CD55: variants seen among roughly 807,000 people sequenced by gnomAD.
CD55 encodes the protein complement decay-accelerating factor.
A neutral mutation model predicts 45.8 loss-of-function variants in CD55; 41 were observed. The observed-to-expected ratio is 0.90, with a 90% CI of 0.70 to 1.16. CD55 has a LOEUF of 1.16. Among genes scored for constraint, CD55 ranks in the 50% most tolerant of loss-of-function variants. The pLI is 0.00. For synonymous variants in CD55, 181 were observed against 181.1 expected (o/e 1.00, Z 0.01); for missense variants, 416 against 469.8 (o/e 0.89, Z 1.06).
At chr1:207,326,928 T>C (rs1451935283) in intron 5 of CD55, 91 bp downstream of exon 5, 1 of 900,068 alleles carries the variant, frequency 1.1e-6, no homozygotes, top group Non-Finnish European at 1.8e-6. Flanking sequence ...TAGCACAGTG[T>C]GTATTTGTAG....
chr1:207,326,601 C>A lies in CD55; in HGVS notation c.579-151C>A, dbSNP rs140769226. 4.4e-3 allele frequency: 2,621 copies of A among 594,088 alleles called. 14 individuals are homozygous for A. The highest frequency in any genetic ancestry group is 0.016 in the Middle Eastern group (51 of 3,150). 36.8% of individuals were successfully genotyped at this position (594,088 alleles called of 1,614,324 possible). A position where few individuals can be genotyped will look rare whatever the true frequency, so the allele number is the denominator to read the frequency against. On this transcript the variant is annotated intron_variant, in intron 4 of 9. Transcript: ENST00000367064. ...CGTTTTTAAACTTAATTTTTCTTTT[C>A]CTTTAAACTACTGTGTGGACTTTTA...
intron 9 of CD55, among the ~76,000 whole-genome samples, chr1:207,345,198 G>T: frequency 6.6e-6 from 1 of 151,998 alleles, no homozygotes; most frequent in East Asian, 1.9e-4. Flanking sequence ...CCACTTTAGG[G>T]TGTCCCATAT....
chr1:207,322,329 A>G, intron 1 of CD55, 53 bp from the exon 2 acceptor site: 1 of 1,479,476 alleles, frequency 6.8e-7, no homozygotes, highest in South Asian at 1.1e-5. Context: ...GAAAACAGCA[A>G]CTGTGAGGAC....
intron 8 of CD55, among the ~76,000 whole-genome samples, chr1:207,338,971 A>G (rs1041829974): frequency 1.3e-5 from 2 of 152,192 alleles, no homozygotes; most frequent in East Asian, 3.8e-4. Context: ...GATATAAATA[A>G]TAAGGTGATA....
chr1:207,336,090 C>T (rs982594505), intron 6 of CD55, among the ~76,000 whole-genome samples: 1 of 152,068 alleles, frequency 6.6e-6, no homozygotes, highest in African/African-American at 2.4e-5. Context: ...TAGATTTATG[C>T]TTTTCAGAAT....
chr1:207,358,976 A>G (rs1374737306), intron 9 of CD55, among the ~76,000 whole-genome samples: 1 of 152,112 alleles, frequency 6.6e-6, no homozygotes, highest in East Asian at 1.9e-4. Context: ...GAGATGGTTG[A>G]CCTACCTTGT....
Position 207,345,389 on chromosome 1 carries a change from A to G in CD55, c.1081+5972A>G, listed in dbSNP as rs80155055. On this transcript the variant is annotated intron_variant, in intron 9 of 9. Coordinates refer to ENST00000367064, the MANE Select transcript of CD55 (RefSeq NM_000574.5). Reference sequence around the variant, plus strand: ...ATCAAGTATATTATGTATTTCATCAATAAATTATTTCCAGAAGTTGTTTGG... The same window carrying G: ...ATCAAGTATATTATGTATTTCATCAGTAAATTATTTCCAGAAGTTGTTTGG... Among the ~76,000 whole-genome samples the G allele has an allele frequency of 1.0e-3, 158 of 152,218 alleles. 1 individual carries two copies. Among genetic ancestry groups the G allele is most frequent in the African/African-American group, 3.8e-3 (156 of 41,532 alleles).
In CD55 at chr1:207,356,711, A is replaced by G. The variant is rs112508444; in HGVS notation, c.1082-2835A>G. On this transcript the variant is annotated intron_variant, in intron 9 of 9. Transcript: ENST00000367064. ...TTGCCACCTGTCAAGTGCTTAGAAC[A>G]TTGCTTGGCACATAGTAAGCACTCA... 5.5e-3 allele frequency among the ~76,000 whole-genome samples: 836 copies of G among 152,332 alleles called. 8 individuals are homozygous for G. Among genetic ancestry groups the G allele is most frequent in the African/African-American group, 0.018 (759 of 41,578 alleles).
At chr1:207,344,359 C>G (rs1325139685) in intron 9 of CD55, among the ~76,000 whole-genome samples, 1 of 152,096 alleles carries the variant, frequency 6.6e-6, no homozygotes, top group Non-Finnish European at 1.5e-5. Context: ...AGATATCATT[C>G]TTTCTCTTCT....
At chr1:207,359,306 A>G (rs1656195047) in intron 9 of CD55, among the ~76,000 whole-genome samples, 1 of 151,974 alleles carries the variant, frequency 6.6e-6, no homozygotes, top group Admixed American at 6.6e-5. Context: ...TAGCTTAGCC[A>G]CTGTTCAACT....
At chr1:207,346,695 C>T (rs1313113207) in intron 9 of CD55, among the ~76,000 whole-genome samples, 3 of 152,180 alleles carry the variant, frequency 2.0e-5, no homozygotes, top group African/African-American at 7.2e-5. Context: ...CCAGTGGCTC[C>T]TGCTTTGGCT....
chr1:207,358,770 T>TA (rs1656171860), intron 9 of CD55: 1 of 151,860 alleles, frequency 6.6e-6, no homozygotes, highest in East Asian at 1.9e-4. Flanking sequence ...GAATGACTAA[T>TA]ACATTGAATC....
intron 9 of CD55, 114 bp downstream of exon 9, chr1:207,339,531 T>G: frequency 1.2e-6 from 1 of 855,634 alleles, no homozygotes; most frequent in East Asian, 2.6e-5. Flanking sequence ...ATCCTGCAAT[T>G]TATTTTTAAA....
At chr1:207,348,139 C>T (rs1157831479) in intron 9 of CD55, among the ~76,000 whole-genome samples, 2 of 152,150 alleles carry the variant, frequency 1.3e-5, no homozygotes, top group Non-Finnish European at 2.9e-5. Flanking sequence ...TTTGAGAAAT[C>T]TCCAAACTGC....
Position 207,337,395 on chromosome 1 carries a change from G to C in CD55, c.1046G>C (p.Ser349Thr). The change falls in exon 8 of 10, where the codon AGT becomes ACT. Residue 349 changes from serine to threonine, a missense_variant. Transcript: ENST00000367064. The part of the protein sequence containing the change: ...HFHETTPNKG[S>T]GTTSGTTRLL... The stretch of plus-strand genomic sequence containing the variant: ...CATGAAACAACCCCAAATAAAGGAA[G>C]TGGAACCACTTCAGGTCAGTTGACA... The C allele has an allele frequency of 1.3e-6, 2 of 1,598,074 alleles. No individual in the cohort carries two copies.
At chr1:207,354,022 C>A in intron 9 of CD55, 2 of 1,535,242 alleles carry the variant, frequency 1.3e-6, no homozygotes, top group Non-Finnish European at 1.7e-6. Flanking sequence ...CAAGTTAGAC[C>A]TTTTGAAGTG....
At chr1:207,324,269 G>A (rs1020537631) in intron 2 of CD55, among the ~76,000 whole-genome samples, 1 of 151,904 alleles carries the variant, frequency 6.6e-6, no homozygotes, top group Admixed American at 6.6e-5. Flanking sequence ...AACATTTATT[G>A]AATGCCAGAA....
intron 7 of CD55, chr1:207,337,028 G>A: frequency 1.6e-6 from 1 of 637,028 alleles, no homozygotes; most frequent in Middle Eastern, 2.5e-4. Flanking sequence ...TTCAGCTACA[G>A]GAACCCTACC....
intron 9 of CD55, among the ~76,000 whole-genome samples, chr1:207,344,266 T>C (rs1240235107): frequency 2.6e-5 from 4 of 152,220 alleles, no homozygotes; most frequent in African/African-American, 9.6e-5. Flanking sequence ...GAGTTTTTCT[T>C]TCATAACATT....
Sources: allele counts gnomAD v4.1 joint callset (sites outside exome capture counted in the v4.1 genomes callset), GRCh38; gene constraint gnomAD v4.1.1; transcripts MANE v1.5; gene names NCBI Gene and HGNC (gene_info 2026-07-23, HGNC 2026-07-21).